Variants in CTNNA3 observed in about 807,000 individuals in gnomAD.
The protein encoded by CTNNA3 is catenin alpha-3.
Under a neutral mutation model 95.7 loss-of-function variants are expected in CTNNA3, and 76 were observed. The observed-to-expected ratio is 0.79, with a 90% confidence interval of 0.66 to 0.96. The LOEUF is 0.96. Ranked by LOEUF, CTNNA3 falls within the 40% of genes least tolerant of loss-of-function variation. The pLI is 0.00. For missense variants in CTNNA3, 1,191 were observed against 1,089.8 expected, an observed-to-expected ratio of 1.09 and a Z score of -1.31; for synonymous variants, 431 against 374.4, an observed-to-expected ratio of 1.15 and a Z score of -1.74.
intron 11 of CTNNA3, among the ~76,000 whole-genome samples, chr10:66,408,955 T>C (rs575546867): frequency 5.3e-5 from 8 of 152,262 alleles, no homozygotes; most frequent in African/African-American, 1.9e-4. Context: ...ACTAGAATAT[T>C]TGAAATAACT....
chr10:66,467,886 A>C (rs944902761), intron 11 of CTNNA3, among the ~76,000 whole-genome samples: 1 of 152,140 alleles, frequency 6.6e-6, no homozygotes, highest in East Asian at 1.9e-4. Context: ...AGTGGTTGAA[A>C]AGCAAAAGTA....
At chr10:67,672,937 AAAT>A in intron 1 of CTNNA3, among the ~76,000 whole-genome samples, 1 of 151,818 alleles carries the variant, frequency 6.6e-6, no homozygotes, top group South Asian at 2.1e-4. Flanking sequence ...TTGAATCTAT[AAAT>A]TACCTTGGGC....
chr10:65,937,492 C>A (rs762181606), intron 17 of CTNNA3, among the ~76,000 whole-genome samples: 2 of 152,096 alleles, frequency 1.3e-5, no homozygotes, highest in Non-Finnish European at 2.9e-5. Context: ...CCAAGAGTTT[C>A]TTTCTTGAAT....
At chr10:66,199,474 GAAC>G (rs968861272) in intron 13 of CTNNA3, among the ~76,000 whole-genome samples, 9 of 149,410 alleles carry the variant, frequency 6.0e-5, no homozygotes, top group African/African-American at 7.4e-5. Context: ...AAAAAAAAAA[GAAC>G]AACAAAACTT....
At chr10:66,321,405 A>T (rs2092183474) in intron 12 of CTNNA3, among the ~76,000 whole-genome samples, 1 of 152,072 alleles carries the variant, frequency 6.6e-6, no homozygotes, top group South Asian at 2.1e-4. Flanking sequence ...AGAGGGTTGG[A>T]CTTGGTGGAA....
At chr10:67,287,698 A>T (rs957200564) in intron 5 of CTNNA3, among the ~76,000 whole-genome samples, 9 of 152,196 alleles carry the variant, frequency 5.9e-5, no homozygotes, top group African/African-American at 2.2e-4. Context: ...GTTTTCTAAC[A>T]TATATTCTTG....
At chr10:66,006,101 C>T (rs757619504) in intron 15 of CTNNA3, among the ~76,000 whole-genome samples, 38 of 150,808 alleles carry the variant, frequency 2.5e-4, no homozygotes, top group Non-Finnish European at 5.2e-4. Context: ...CAAGCTCTGC[C>T]TCCTGGGTTC....
At chr10:67,387,340 G>A (rs959162964) in intron 5 of CTNNA3, among the ~76,000 whole-genome samples, 1 of 152,120 alleles carries the variant, frequency 6.6e-6, no homozygotes, top group Non-Finnish European at 1.5e-5. Context: ...CGAATACTGC[G>A]CTTTTCCTAG....
intron 15 of CTNNA3, among the ~76,000 whole-genome samples, chr10:66,005,394 T>C (rs545609066): frequency 3.9e-5 from 6 of 152,348 alleles, no homozygotes; most frequent in Admixed American, 3.3e-4. Flanking sequence ...GACGGTGTTA[T>C]GGTGATTATT....
chr10:66,968,527 A>G (rs12249820), intron 7 of CTNNA3, among the ~76,000 whole-genome samples: 1 of 151,904 alleles, frequency 6.6e-6, no homozygotes, highest in Non-Finnish European at 1.5e-5. Flanking sequence ...TATCTAAAAA[A>G]ACGTGGTTAG....
chr10:66,507,519 A>C (rs925606688), intron 11 of CTNNA3, among the ~76,000 whole-genome samples: 2 of 152,090 alleles, frequency 1.3e-5, no homozygotes, highest in African/African-American at 4.8e-5. Flanking sequence ...TACTGTTCCC[A>C]GCCTGTAATA....
chr10:67,087,966 GT>G lies in CTNNA3; in HGVS notation c.1047+92350del, dbSNP rs561320899. On this transcript the variant is annotated intron_variant, in intron 7 of 17. Coordinates refer to ENST00000433211, the MANE Select transcript of CTNNA3 (RefSeq NM_013266.4). ...GTCATAGATTCTTGTGCTCAAAAAG[GT>G]TATGGTCTAATATGAGATAAAAGAT... 9.9e-5 allele frequency among the ~76,000 whole-genome samples: 15 copies of G among 152,042 alleles called. No individual in the cohort carries two copies. In the South Asian group the frequency reaches 3.1e-3, roughly 32 times the overall value.
At chr10:67,408,338 C>T (rs895752380) in intron 5 of CTNNA3, among the ~76,000 whole-genome samples, 10 of 152,134 alleles carry the variant, frequency 6.6e-5, no homozygotes, top group African/African-American at 2.4e-4. Flanking sequence ...TCAAACTCTA[C>T]TACAGGGCTA....
intron 5 of CTNNA3, among the ~76,000 whole-genome samples, chr10:67,250,276 C>T (rs1482006385): frequency 6.6e-6 from 1 of 150,706 alleles, no homozygotes; most frequent in African/African-American, 2.4e-5. Flanking sequence ...AGGGCAGTGG[C>T]ACGGTCTCAG....
intron 12 of CTNNA3, among the ~76,000 whole-genome samples, chr10:66,360,634 TCTTTCTTTCTTTCTTTCTTTCTTTCTTC>T (rs1335099973): frequency 2.7e-3 from 128 of 47,838 alleles, no homozygotes; most frequent in East Asian, 0.013. Flanking sequence ...TTTCTTTCTT[TCTTTCTTTCTTTCTTTCTTTCTTTCTTC>T]CTTCCTTCCT....
In CTNNA3 at chr10:66,379,097, G is replaced by T. The variant is rs149970875; in HGVS notation, c.1732+55C>A. 3.0e-4 allele frequency: 418 copies of T among 1,372,680 alleles called. 1 individual carries two copies. The African/African-American group carries it at 5.4e-3, about 18-fold the overall frequency. The allele number at this position is 1,372,680 out of a possible 1,614,324, so 85.0% of individuals were successfully genotyped here. A position where few individuals can be genotyped will look rare whatever the true frequency, so the allele number is the denominator to read the frequency against. On this transcript the variant is annotated intron_variant, in intron 12 of 17. Transcript: ENST00000433211. ...TTTCCCACATGTATGAATATTCGTA[G>T]CTATGTAGATTCAAATAAGAGAAAT...
At chr10:67,255,608 A>C (rs1837482354) in intron 5 of CTNNA3, among the ~76,000 whole-genome samples, 1 of 152,148 alleles carries the variant, frequency 6.6e-6, no homozygotes, top group Non-Finnish European at 1.5e-5. Context: ...TCATTTTATA[A>C]AGAAACTGAC....
chr10:67,708,782 G>A (rs1841091368), intron 1 of CTNNA3, among the ~76,000 whole-genome samples: 1 of 152,060 alleles, frequency 6.6e-6, no homozygotes. Context: ...TCTCTGTAGA[G>A]TTTTATTGTT....
chr10:67,552,449 C>T lies in CTNNA3; in HGVS notation c.293-12780G>A, dbSNP rs144942921. ...TCGACGCCCTCTCAATGTTCAGCTG[C>T]TTGTGTATTCCTCCACCAAGATGTG... On this transcript the variant is annotated intron_variant, in intron 3 of 17. Coordinates refer to ENST00000433211, the MANE Select transcript of CTNNA3 (RefSeq NM_013266.4). 9.2e-5 allele frequency among the ~76,000 whole-genome samples: 14 copies of T among 151,456 alleles called. No homozygotes were observed. The East Asian group carries it at 2.7e-3, about 30-fold the overall frequency.
Sources: allele counts gnomAD v4.1 joint callset (sites outside exome capture counted in the v4.1 genomes callset), GRCh38; gene constraint gnomAD v4.1.1; transcripts MANE v1.5; gene names NCBI Gene and HGNC (gene_info 2026-07-23, HGNC 2026-07-21).